Variants in MLIP observed in about 807,000 individuals in gnomAD.
MLIP encodes muscular LMNA interacting protein.
In MLIP, 79 loss-of-function variants were observed where a neutral mutation model predicts 84.8. The ratio of observed to expected loss-of-function variants is 0.93; its 90% confidence interval spans 0.78 to 1.12. The LOEUF is 1.12. Ranked by LOEUF, MLIP falls within the 50% of genes most tolerant of loss-of-function variation. The pLI, the probability that MLIP is intolerant of heterozygous loss-of-function variation, is 0.00. For missense variants in MLIP, 1,257 were observed against 1,160.6 expected, an observed-to-expected ratio of 1.08 and a Z score of -1.21; for synonymous variants, 504 against 463.0, an observed-to-expected ratio of 1.09 and a Z score of -1.14.
intron 11 of MLIP, chr6:54,216,572 T>G: frequency 1.0e-6 from 1 of 980,336 alleles, no homozygotes. Flanking sequence ...TTATCCAAAT[T>G]CTATCTTAAA....
chr6:54,145,318 T>A (rs1772687662), intron 4 of MLIP, among the ~76,000 whole-genome samples: 3 of 152,156 alleles, frequency 2.0e-5, no homozygotes, highest in African/African-American at 7.2e-5. Flanking sequence ...GAATAAAAAA[T>A]TCATATTTAG....
chr6:54,194,204 G>A lies in MLIP; in HGVS notation c.2589+4290G>A, dbSNP rs201534361. 7.5e-5 allele frequency among the ~76,000 whole-genome samples: 7 copies of A among 93,834 alleles called. No homozygotes were observed. In the South Asian group the frequency reaches 2.2e-3, roughly 30 times the overall value. The allele number at this position is 93,834 out of a possible 152,430, so 61.6% of individuals were successfully genotyped here. Reference sequence around the variant, plus strand: ...GCTGATGCATCCAGCTTTAGCGGTGGGTGCATGACTCATCTTTCTGAGGGC... The same window carrying A: ...GCTGATGCATCCAGCTTTAGCGGTGAGTGCATGACTCATCTTTCTGAGGGC... On this transcript the variant is annotated intron_variant, in intron 10 of 13. Coordinates refer to ENST00000502396, the MANE Select transcript of MLIP (RefSeq NM_001281747.2).
At chr6:54,035,157 A>G (rs1028968238) in intron 1 of MLIP, among the ~76,000 whole-genome samples, 2 of 152,164 alleles carry the variant, frequency 1.3e-5, no homozygotes, top group Admixed American at 1.3e-4. Flanking sequence ...AGGTTTACAC[A>G]ATGACAAAAT....
intron 12 of MLIP, among the ~76,000 whole-genome samples, chr6:54,250,509 C>G (rs893561449): frequency 1.3e-5 from 2 of 152,028 alleles, no homozygotes; most frequent in African/African-American, 4.8e-5. Context: ...TACAGATACA[C>G]CATGGAATAC....
intron 10 of MLIP, among the ~76,000 whole-genome samples, chr6:54,199,568 G>A (rs1207000677): frequency 6.6e-6 from 1 of 152,092 alleles, no homozygotes; most frequent in African/African-American, 2.4e-5. Flanking sequence ...CAGATGACTT[G>A]TTAGTATACC....
At chr6:54,199,144 C>T (rs1021592476) in intron 10 of MLIP, among the ~76,000 whole-genome samples, 1 of 152,002 alleles carries the variant, frequency 6.6e-6, no homozygotes, top group African/African-American at 2.4e-5. Flanking sequence ...ATAAAAACTA[C>T]AGGAGCTTTG....
At chr6:54,250,038 C>A (rs1335484488) in intron 12 of MLIP, among the ~76,000 whole-genome samples, 1 of 151,978 alleles carries the variant, frequency 6.6e-6, no homozygotes, top group East Asian at 1.9e-4. Context: ...CAAGTGAGAA[C>A]ATGCAGTATT....
chr6:54,230,167 C>T (rs1156747740), intron 11 of MLIP, among the ~76,000 whole-genome samples: 1 of 152,124 alleles, frequency 6.6e-6, no homozygotes, highest in Non-Finnish European at 1.5e-5. Flanking sequence ...TCATTCTTTC[C>T]AGACCCACCC....
chr6:54,216,817 A>G (rs1779884452), intron 11 of MLIP: 1 of 985,422 alleles, frequency 1.0e-6, no homozygotes, highest in Non-Finnish European at 1.2e-6. Flanking sequence ...TATTGGCTTT[A>G]TCTTAGTGAA....
At chr6:54,102,884 T>C (rs898469497) in intron 1 of MLIP, among the ~76,000 whole-genome samples, 2 of 152,176 alleles carry the variant, frequency 1.3e-5, no homozygotes, top group African/African-American at 4.8e-5. Context: ...GTAAATACGA[T>C]GTAGAAGTAC....
At chr6:54,021,915 A>G (rs1763519164) in intron 1 of MLIP, among the ~76,000 whole-genome samples, 1 of 152,242 alleles carries the variant, frequency 6.6e-6, no homozygotes, top group South Asian at 2.1e-4. Context: ...TTTGAAAACC[A>G]TCTATTAAAT....
chr6:54,136,620 G>C (rs760211453), intron 3 of MLIP, 95 bp from the exon 4 acceptor site: 19 of 1,224,372 alleles, frequency 1.6e-5, no homozygotes, highest in Middle Eastern at 2.0e-4. Flanking sequence ...CTCCTTTTGT[G>C]TAAATTGTTT....
Position 54,111,591 on chromosome 6 carries a change from T to A in MLIP, c.96+16T>A. 1 of 1,535,920 alleles carries A rather than the reference T, an allele frequency of 6.5e-7. No individual in the cohort carries two copies. The highest frequency in any genetic ancestry group is 1.2e-5 in the South Asian group (1 of 84,064). ...CACACCCCAGGTAAAAGGAAGTCTT[T>A]GCTTAATGCTTTCAGTAACTTTTAA... On this transcript the variant is annotated intron_variant, in intron 1 of 13. Coordinates refer to ENST00000502396, the MANE Select transcript of MLIP (RefSeq NM_001281747.2).
intron 5 of MLIP, among the ~76,000 whole-genome samples, chr6:54,150,943 G>T (rs1007513689): frequency 6.6e-6 from 1 of 152,090 alleles, no homozygotes; most frequent in African/African-American, 2.4e-5. Flanking sequence ...TGTGCAAAAG[G>T]TTTTGTGTTT....
chr6:54,140,444 A>G (rs571343382), intron 4 of MLIP, among the ~76,000 whole-genome samples: 1 of 152,336 alleles, frequency 6.6e-6, no homozygotes. Flanking sequence ...ATTCAAAGAA[A>G]TGCAAAGTAA....
intron 4 of MLIP, among the ~76,000 whole-genome samples, chr6:54,147,486 T>C (rs540059542): frequency 3.0e-4 from 46 of 152,278 alleles, no homozygotes; most frequent in African/African-American, 1.1e-3. Flanking sequence ...AGACATCTTC[T>C]AGCAATTGCC....
chr6:54,207,409 AC>A (rs34566577), intron 11 of MLIP, among the ~76,000 whole-genome samples: 22,549 of 98,504 alleles, frequency 0.23, 2,325 homozygotes, highest in East Asian at 0.34. Flanking sequence ...TCACCTCTGC[AC>A]CCCCCCCCCC....
chr6:54,051,642 G>A (rs987237881), intron 1 of MLIP, among the ~76,000 whole-genome samples: 1 of 151,978 alleles, frequency 6.6e-6, no homozygotes, highest in Non-Finnish European at 1.5e-5. Context: ...AGAAAATCTG[G>A]GATTCTGATC....
At position 54,136,869 on chromosome 6, in the gene MLIP, G is replaced by GT. The variant is rs1311532843; in HGVS notation, c.801dup (p.Gly268TrpfsTer42). ...TTCCACACTAGGAGGCTGGATGTCG[G>GT]TGGGGCCGTGGTGGAAGAATCAGCT... On this transcript the variant is annotated frameshift_variant, in exon 4 of 14. Transcript: ENST00000502396. LOFTEE classifies it high-confidence loss of function. 6.5e-7 allele frequency: 1 copy of GT among 1,535,238 alleles called. No homozygotes were observed. Among genetic ancestry groups the GT allele is most frequent in the Non-Finnish European group, 8.7e-7 (1 of 1,146,180 alleles).
Sources: allele counts gnomAD v4.1 joint callset (sites outside exome capture counted in the v4.1 genomes callset), GRCh38; gene constraint gnomAD v4.1.1; transcripts MANE v1.5; gene names NCBI Gene and HGNC (gene_info 2026-07-23, HGNC 2026-07-21).